LRP2: variants seen among roughly 807,000 people sequenced by gnomAD.
LRP2 encodes the protein LDL receptor related protein 2.
Under a neutral mutation model 531.0 loss-of-function variants are expected in LRP2, and 172 were observed. The ratio of observed to expected loss-of-function variants is 0.32; its 90% CI spans 0.29 to 0.37. LRP2 has a LOEUF of 0.37. Ranked by LOEUF, LRP2 falls within the 10% of genes least tolerant of loss-of-function variation. The probability of loss-of-function intolerance (pLI) is 1.00; values close to 1 mark genes in which losing one functional copy is unlikely to be tolerated. For missense variants in LRP2, 5,167 were observed against 5,868.3 expected (o/e 0.88, Z 3.90); for synonymous variants, 1,992 against 2,027.6 (o/e 0.98, Z 0.47).
chr2:169,176,375 A>G (rs1574099261), intron 54 of LRP2, 36 bp downstream of exon 54: 3 of 1,612,898 alleles, frequency 1.9e-6, no homozygotes. Context: ...TCCACGGGCT[A>G]GAGAGGCACT....
At position 169,241,252 on chromosome 2, in the gene LRP2, C is replaced by A; in HGVS notation, c.3781G>T (p.Asp1261Tyr). The A allele has an allele frequency of 6.2e-7, 1 of 1,614,188 alleles. No homozygotes were observed. The change falls in exon 25 of 79, where the codon GAT becomes TAT. Residue 1261 changes from aspartate to tyrosine, a missense_variant. Physicochemically the swap from Asp to Tyr is radical, Grantham distance 160 (BLOSUM62 -3). This residue lies in a region of LRP2 where 2,811 missense variants were observed against 3,058.0 expected (regional missense o/e 0.92). Coordinates refer to ENST00000649046, the MANE Select transcript of LRP2 (RefSeq NM_004525.3). ...TTGGGGACACAGGCATTGTGCTCAT[C>A]AGATCCATAGAGGCAGTCTGGATGC... ...DGHPDCLYGS[D>Y]EHNACVPKTC...
At chr2:169,267,750 A>C (rs964173128) in intron 16 of LRP2, among the ~76,000 whole-genome samples, 4 of 152,188 alleles carry the variant, frequency 2.6e-5, no homozygotes, top group African/African-American at 9.7e-5. Context: ...AGAAATAACT[A>C]AGATCATAGC....
chr2:169,328,441 T>TAAAAAAAAAAAAAAAAAAAAAAAGAAA (rs1685177633), intron 1 of LRP2, among the ~76,000 whole-genome samples: 1 of 49,142 alleles, frequency 2.0e-5, no homozygotes, highest in African/African-American at 7.4e-5. Flanking sequence ...CGGGCCGGGA[T>TAAAAAAAAAAAAAAAAAAAAAAAGAAA]AAAAAAAAAA....
chr2:169,203,701 G>C (rs1016113600), intron 42 of LRP2, among the ~76,000 whole-genome samples: 8 of 152,204 alleles, frequency 5.3e-5, no homozygotes, highest in Non-Finnish European at 7.3e-5. Flanking sequence ...AGGTTGCAGT[G>C]AGCTGAGATC....
At chr2:169,216,773 C>T (rs1383782117) in intron 34 of LRP2, among the ~76,000 whole-genome samples, 1 of 152,132 alleles carries the variant, frequency 6.6e-6, no homozygotes, top group Non-Finnish European at 1.5e-5. Flanking sequence ...ATCTTCAGTA[C>T]ATAGTGAAGG....
At chr2:169,289,536 G>A (rs1342700697) in intron 8 of LRP2, among the ~76,000 whole-genome samples, 1 of 151,786 alleles carries the variant, frequency 6.6e-6, no homozygotes, top group Admixed American at 6.6e-5. Context: ...TAGCCTGGGT[G>A]ACAGAACAAG....
chr2:169,169,707 T>C lies in LRP2; in HGVS notation c.11492A>G (p.Asp3831Gly), dbSNP rs755081280. ...ATATGTGTCTAGGGACTTACGACAA[T>C]CAGCTTCATCAGACGCATCCAAACA... ...ADCLDASDEA[D>G]CPTRFPDGAY... The change falls in exon 60 of 79, where the codon GAT becomes GGT. Residue 3831 changes from aspartate to glycine, a missense_variant. Around this residue, in one of 6 missense-constraint regions of LRP2, gnomAD observed 564 missense variants for 747.7 expected, o/e 0.75. Transcript: ENST00000649046. 2.5e-6 allele frequency: 4 copies of C among 1,613,730 alleles called. No homozygotes were observed. In the East Asian group the frequency reaches 6.7e-5, roughly 27 times the overall value.
intron 30 of LRP2, 84 bp downstream of exon 30, chr2:169,233,327 G>T (rs1689479932): frequency 3.5e-6 from 5 of 1,448,882 alleles, no homozygotes; most frequent in Non-Finnish European, 4.9e-6. Context: ...AAACAAATGG[G>T]TCTGTAACAG....
At chr2:169,267,771 G>A (rs1683261602) in intron 16 of LRP2, among the ~76,000 whole-genome samples, 1 of 152,124 alleles carries the variant, frequency 6.6e-6, no homozygotes, top group Admixed American at 6.5e-5. Flanking sequence ...AGAACTGAAG[G>A]AGATAGAGAC....
Position 169,213,596 on chromosome 2 carries a change from GT to G in LRP2, c.6040+60del, listed in dbSNP as rs1381416715. ...TGTGTGTGGGTGTGTGCTTACAAAT[GT>G]GAGTTATGTGTGAATATGCATTATA... is the stretch of plus-strand genomic sequence containing the variant. On this transcript the variant is annotated intron_variant, in intron 36 of 78. Coordinates refer to ENST00000649046, the MANE Select transcript of LRP2 (RefSeq NM_004525.3). The G allele has an allele frequency of 6.1e-6, 8 of 1,320,136 alleles. No homozygotes were observed. In the East Asian group the frequency reaches 1.8e-4, roughly 30 times the overall value. The allele number at this position is 1,320,136 out of a possible 1,614,324, so 81.8% of individuals were successfully genotyped here.
chr2:169,129,962 G>A (rs538195070), intron 77 of LRP2, among the ~76,000 whole-genome samples: 2 of 152,324 alleles, frequency 1.3e-5, no homozygotes, highest in South Asian at 4.1e-4. Context: ...GTGACAGCAG[G>A]GGACCAGCCT....
At chr2:169,231,622 T>C (rs1044138726) in intron 31 of LRP2, 92 bp downstream of exon 31, 1 of 1,489,204 alleles carries the variant, frequency 6.7e-7, no homozygotes, top group Non-Finnish European at 9.3e-7. Context: ...ACACAGCACA[T>C]GTTCAGTCGC....
intron 5 of LRP2, 44 bp from the exon 6 acceptor site, chr2:169,294,305 C>T: frequency 8.7e-7 from 1 of 1,151,338 alleles, no homozygotes. Flanking sequence ...GAGAAGTTAA[C>T]TCCATTGTAG....
rs34008706 is a variant in LRP2 at position 169,270,669 on chromosome 2, G to A, written c.2320+235C>T. ...TACCTAACATAAATGACGAGTTAAC[G>A]GGTGCAGCACACCAACATGGCACAT... On this transcript the variant is annotated intron_variant, in intron 16 of 78. Transcript: ENST00000649046. Among the ~76,000 whole-genome samples the A allele has an allele frequency of 0.048, 7,256 of 150,742 alleles. 169 individuals are homozygous for A. Among genetic ancestry groups the A allele is most frequent in the Non-Finnish European group, 0.052 (3,549 of 67,790 alleles).
At chr2:169,145,495 G>A (rs1475353561) in intron 70 of LRP2, among the ~76,000 whole-genome samples, 2 of 152,180 alleles carry the variant, frequency 1.3e-5, no homozygotes, top group African/African-American at 4.8e-5. Context: ...TCCAAACAAT[G>A]ATGAGGGCTA....
intron 33 of LRP2, among the ~76,000 whole-genome samples, chr2:169,223,086 C>T (rs1448699687): frequency 2.0e-5 from 3 of 152,170 alleles, no homozygotes; most frequent in African/African-American, 7.2e-5. Context: ...CCAGGATCAA[C>T]TGATCCATAG....
chr2:169,342,859 A>T (rs1211688900), intron 1 of LRP2, among the ~76,000 whole-genome samples: 4 of 152,256 alleles, frequency 2.6e-5, no homozygotes, highest in African/African-American at 9.6e-5. Flanking sequence ...AACCAAGTCT[A>T]GCTTGACAGC....
chr2:169,239,918 GGT>G, intron 25 of LRP2, 143 bp from the exon 26 acceptor site: 2 of 731,346 alleles, frequency 2.7e-6, no homozygotes, highest in Admixed American at 4.2e-5. Context: ...CATGCACTTG[GGT>G]GAGTTCCACA....
rs1259844753 is a variant in LRP2, at chr2:169,181,471, T to G, written c.10146A>C (p.Ala3382=). Residue 3382 remains alanine (A), a synonymous_variant, in exon 52 of 79, where the codon GCA becomes GCC. Coordinates refer to ENST00000649046, the MANE Select transcript of LRP2 (RefSeq NM_004525.3). ...IDYTNDLLYW[A]DAHLGYIEYS... ...ACTCTATGTAACCCAGGTGGGCATC[T>G]GCCCAGTAGAGTAGATCATTGGTGT... 1.2e-6 allele frequency: 2 copies of G among 1,614,220 alleles called. No homozygotes were observed. The highest frequency in any genetic ancestry group is 2.2e-5 in the East Asian group (1 of 44,886).
Sources: gnomAD v4.1 joint callset for allele counts (sites outside exome capture counted in the v4.1 genomes callset) on GRCh38, gnomAD v4.1.1 for gene constraint, gnomAD v4.1.1 regional missense constraint, MANE v1.5 for transcripts, NCBI Gene and HGNC (gene_info 2026-07-23, HGNC 2026-07-21) for gene names.